Variants in JAK1 observed in about 807,000 individuals in gnomAD.
JAK1 encodes Janus kinase 1, also known as tyrosine-protein kinase JAK1.
A neutral mutation model predicts 136.6 loss-of-function variants in JAK1; 16 were observed. The observed-to-expected ratio is 0.12, with a 90% CI of 0.08 to 0.18. The LOEUF is 0.18. Ranked by LOEUF, JAK1 falls within the 10% of genes least tolerant of loss-of-function variation. The pLI is 1.00. For missense variants in JAK1, 859 were observed against 1,450.1 expected (o/e 0.59, Z 6.62); for synonymous variants, 492 against 519.5 (o/e 0.95, Z 0.72).
At chr1:64,924,806 T>C (rs1027630625) in intron 1 of JAK1, among the ~76,000 whole-genome samples, 4 of 152,146 alleles carry the variant, frequency 2.6e-5, no homozygotes, top group African/African-American at 9.7e-5. Flanking sequence ...CCCATAATGA[T>C]GATCTAAAAC....
At chr1:64,867,553 T>C (rs1656781790) in intron 6 of JAK1, among the ~76,000 whole-genome samples, 1 of 152,246 alleles carries the variant, frequency 6.6e-6, no homozygotes, top group African/African-American at 2.4e-5. Context: ...TACACACTGT[T>C]ACTAGGATTG....
intron 15 of JAK1, 123 bp from the exon 16 acceptor site, chr1:64,845,012 G>T: frequency 1.5e-6 from 2 of 1,307,386 alleles, no homozygotes; most frequent in Non-Finnish European, 2.1e-6. Flanking sequence ...GCCTGGCCCT[G>T]CTGCCAATCA....
intron 1 of JAK1, among the ~76,000 whole-genome samples, chr1:65,062,239 T>C (rs1029618183): frequency 6.6e-6 from 1 of 152,156 alleles, no homozygotes; most frequent in Non-Finnish European, 1.5e-5. Context: ...AACTGTATAC[T>C]CCACAGTTAA....
At chr1:64,978,855 TA>T (rs76186540) in intron 2 of JAK1, among the ~76,000 whole-genome samples, 403 of 139,460 alleles carry the variant, frequency 2.9e-3, no homozygotes, top group Middle Eastern at 0.011. Flanking sequence ...TTTGATAGAT[TA>T]AAAAAAAAAA....
chr1:65,064,657 G>T (rs906867199), intron 1 of JAK1, among the ~76,000 whole-genome samples: 2 of 152,050 alleles, frequency 1.3e-5, no homozygotes, highest in Non-Finnish European at 2.9e-5. Context: ...TTTGTCCAGG[G>T]TATCAGTCAC....
chr1:64,853,646 T>C (rs892048180), intron 11 of JAK1, among the ~76,000 whole-genome samples: 7 of 152,148 alleles, frequency 4.6e-5, no homozygotes, highest in African/African-American at 1.7e-4. Context: ...ACTTACCATC[T>C]CAAGTCTCAA....
At chr1:64,983,180 A>G (rs1044387336) in intron 2 of JAK1, among the ~76,000 whole-genome samples, 7 of 152,178 alleles carry the variant, frequency 4.6e-5, no homozygotes, top group Admixed American at 4.6e-4. Context: ...CAAATAAGTC[A>G]ACAATAACCT....
At chr1:64,983,987 T>C (rs529340623) in intron 2 of JAK1, among the ~76,000 whole-genome samples, 8 of 152,324 alleles carry the variant, frequency 5.3e-5, no homozygotes, top group African/African-American at 1.4e-4. Flanking sequence ...CATTTCTCCC[T>C]AAATTCTCCT....
chr1:64,913,990 A>C (rs1332937111), intron 1 of JAK1, among the ~76,000 whole-genome samples: 1 of 152,188 alleles, frequency 6.6e-6, no homozygotes. Flanking sequence ...GTGGCCAGAC[A>C]TGGGGCTACA....
At position 64,844,996 on chromosome 1, in the gene JAK1, T is replaced by TGGACAGCCTGGCCCTGCTGCCA; in HGVS notation, c.2116-129_2116-108dup. The TGGACAGCCTGGCCCTGCTGCCA allele has an allele frequency of 1.4e-6, 2 of 1,453,570 alleles. No homozygotes were observed. Among genetic ancestry groups the TGGACAGCCTGGCCCTGCTGCCA allele is most frequent in the Non-Finnish European group, 1.9e-6 (2 of 1,054,846 alleles). The allele number at this position is 1,453,570 out of a possible 1,614,324, so 90.0% of individuals were successfully genotyped here. A position where few individuals can be genotyped will look rare whatever the true frequency, so the allele number is the denominator to read the frequency against. On this transcript the variant is annotated intron_variant, in intron 15 of 24. Coordinates refer to ENST00000342505, the MANE Select transcript of JAK1 (RefSeq NM_002227.4). The surrounding 1 kb of genome is among the most constrained non-coding windows in gnomAD (Gnocchi z 5.7). Reference sequence around the variant, plus strand: ...TCCTACCCCCAGCTACAGCCAGATCTGGACAGCCTGGCCCTGCTGCCAATC... The same window carrying TGGACAGCCTGGCCCTGCTGCCA: ...TCCTACCCCCAGCTACAGCCAGATCTGGACAGCCTGGCCCTGCTGCCAGGACAGCCTGGCCCTGCTGCCAATC...
intron 2 of JAK1, among the ~76,000 whole-genome samples, chr1:65,001,680 G>T (rs76265425): frequency 0.072 from 6,289 of 87,730 alleles, 184 homozygotes; most frequent in East Asian, 0.19. Context: ...TGTGTGTGTG[G>T]GGGGGGGGGT....
chr1:64,865,763 C>G (rs1570666079), intron 7 of JAK1, among the ~76,000 whole-genome samples: 2 of 152,078 alleles, frequency 1.3e-5, no homozygotes, highest in East Asian at 3.9e-4. Context: ...ATATTTTATT[C>G]ATTTATTTAA....
At chr1:64,925,183 G>A (rs912216712) in intron 1 of JAK1, among the ~76,000 whole-genome samples, 2 of 151,366 alleles carry the variant, frequency 1.3e-5, no homozygotes, top group Non-Finnish European at 2.9e-5. Context: ...GATCACCTGA[G>A]GTCAAGAGTT....
chr1:64,969,868 G>T (rs1312251955), upstream of JAK1, among the ~76,000 whole-genome samples: 1 of 152,128 alleles, frequency 6.6e-6, no homozygotes, highest in East Asian at 1.9e-4. Context: ...AGGCGTGGTG[G>T]CTTAGACCTG....
chr1:64,926,294 G>GGAAATGC (rs1645580734), intron 1 of JAK1, among the ~76,000 whole-genome samples: 1 of 151,916 alleles, frequency 6.6e-6, no homozygotes, highest in East Asian at 1.9e-4. Flanking sequence ...ATGGTGCAGA[G>GGAAATGC]GAAATGCTCC....
At chr1:64,841,742 G>T in intron 17 of JAK1, 141 bp from the exon 18 acceptor site, 1 of 806,940 alleles carries the variant, frequency 1.2e-6, no homozygotes, top group South Asian at 1.7e-5. Flanking sequence ...GTTTGTTACT[G>T]CTGCCTTATT....
At chr1:64,908,228 T>TA (rs1445646921) in intron 1 of JAK1, among the ~76,000 whole-genome samples, 1 of 152,150 alleles carries the variant, frequency 6.6e-6, no homozygotes, top group Admixed American at 6.5e-5. Flanking sequence ...TCTTAAACAT[T>TA]AAACCTCTAT....
chr1:64,922,761 T>A (rs1645517057), intron 1 of JAK1, among the ~76,000 whole-genome samples: 1 of 152,176 alleles, frequency 6.6e-6, no homozygotes, highest in African/African-American at 2.4e-5. Context: ...AAGCTAATCA[T>A]GAACACCATC....
chr1:64,866,966 T>C lies in JAK1; in HGVS notation c.890A>G (p.Asn297Ser). ...ETSMLLISSE[N>S]EMNWFHSNDG... ...ATTCGAATGAAACCAATTCATCTCA[T>C]TTTCTGATGAAATCAGTAACATGGA... Residue 297 changes from asparagine (N) to serine (S), a missense_variant, in exon 7 of 25, where the codon AAT becomes AGT. Around this residue, in one of 4 missense-constraint regions of JAK1, gnomAD observed 353 missense variants for 494.0 expected, o/e 0.71. Transcript: ENST00000342505. 1.2e-6 allele frequency: 2 copies of C among 1,614,116 alleles called. No homozygotes were observed. The highest frequency in any genetic ancestry group is 3.3e-5 in the Admixed American group (2 of 60,032).
Sources: gnomAD v4.1 joint callset for allele counts (sites outside exome capture counted in the v4.1 genomes callset) on GRCh38, gnomAD v4.1.1 for gene constraint, gnomAD v4.1.1 regional missense constraint, Gnocchi (gnomAD v3.1) non-coding constraint, MANE v1.5 for transcripts, NCBI Gene and HGNC (gene_info 2026-07-23, HGNC 2026-07-21) for gene names.